Variants in ARID1B observed in about 807,000 individuals in gnomAD.
The protein encoded by ARID1B is AT-rich interaction domain 1B.
A neutral mutation model predicts 212.3 loss-of-function variants in ARID1B; 30 were observed. That is an observed-to-expected ratio of 0.14 (90% CI 0.11 to 0.19). ARID1B has a LOEUF of 0.19. Among genes scored for constraint, ARID1B ranks in the 10% least tolerant of loss-of-function variants. The probability of loss-of-function intolerance (pLI) is 1.00; values close to 1 mark genes in which losing one functional copy is unlikely to be tolerated. For missense variants in ARID1B, 2,891 were observed against 3,204.0 expected (o/e 0.90, Z 2.36); for synonymous variants, 1,402 against 1,301.7 (o/e 1.08, Z -1.66).
rs181445915 is a variant in ARID1B at position 157,086,449 on chromosome 6, C to T, written c.2491+1544C>T. Among the ~76,000 whole-genome samples the T allele has an allele frequency of 2.1e-4, 32 of 152,212 alleles. No individual in the cohort carries two copies. The East Asian group carries it at 5.6e-3, about 27-fold the overall frequency. ...GAGATGGTTTGTGAGATGTCACCTA[C>T]CTAAATGTTGGAAAGTTATATGTAA... On this transcript the variant is annotated intron_variant, in intron 5 of 19. Transcript: ENST00000636930.
chr6:156,867,673 G>T (rs1785803511), intron 2 of ARID1B, among the ~76,000 whole-genome samples: 1 of 151,906 alleles, frequency 6.6e-6, no homozygotes, highest in African/African-American at 2.4e-5. Flanking sequence ...TTTCCTTTAG[G>T]CCTGCTTTTC....
chr6:156,828,079 T>TTC (rs1782880471), intron 1 of ARID1B, among the ~76,000 whole-genome samples: 1 of 150,044 alleles, frequency 6.7e-6, no homozygotes, highest in Non-Finnish European at 1.5e-5. Flanking sequence ...TTTTTTTTTT[T>TTC]CAAGAGACAG....
intron 3 of ARID1B, among the ~76,000 whole-genome samples, chr6:156,910,306 G>A (rs1163393819): frequency 6.6e-6 from 1 of 152,168 alleles, no homozygotes; most frequent in Non-Finnish European, 1.5e-5. Context: ...TCTTAAAGGA[G>A]CCACTTATTC....
At chr6:157,155,022 CCTCTTG>C (rs1217423410) in intron 8 of ARID1B, among the ~76,000 whole-genome samples, 2 of 152,132 alleles carry the variant, frequency 1.3e-5, no homozygotes, top group South Asian at 4.1e-4. Flanking sequence ...GGATCTTCCA[CCTCTTG>C]CATTGAAATC....
chr6:157,174,713 T>G, intron 10 of ARID1B, 134 bp from the exon 11 acceptor site: 1 of 278,042 alleles, frequency 3.6e-6, no homozygotes. Flanking sequence ...TGTTTGTACA[T>G]GTCTTTATAT....
intron 4 of ARID1B, among the ~76,000 whole-genome samples, chr6:157,058,554 C>T (rs969754108): frequency 1.3e-5 from 2 of 152,200 alleles, no homozygotes; most frequent in Non-Finnish European, 2.9e-5. Context: ...CGTGAGCCAC[C>T]GCGCCCAGCC....
intron 5 of ARID1B, among the ~76,000 whole-genome samples, chr6:157,104,466 A>G (rs73791265): frequency 0.019 from 2,961 of 152,324 alleles, 104 homozygotes; most frequent in African/African-American, 0.067. Context: ...AAAACTGTCT[A>G]TTTACGGATG....
rs182012811 is a variant in ARID1B, at chr6:157,024,599, T to C, written c.2248-60063T>C. ...CAACATGGCAAAACCCCATCTCTAC[T>C]TAAAAAACAAAACAAAACAAAAAAC... On this transcript the variant is annotated intron_variant, in intron 4 of 19. Transcript: ENST00000636930. 1,448 of 152,336 alleles carry C rather than the reference T, an allele frequency of 9.5e-3. 14 individuals are homozygous for C. Among genetic ancestry groups the C allele is most frequent in the South Asian group, 0.019 (93 of 4,812 alleles). The allele number at this position is 152,336 out of a possible 1,614,324, so 9.4% of individuals were successfully genotyped here.
chr6:157,089,582 G>A (rs1785152970), intron 5 of ARID1B, among the ~76,000 whole-genome samples: 2 of 152,138 alleles, frequency 1.3e-5, no homozygotes, highest in African/African-American at 4.8e-5. Flanking sequence ...ATAGTTAGAA[G>A]GTAAAGAATT....
At chr6:156,845,938 T>C (rs1784199087) in intron 2 of ARID1B, among the ~76,000 whole-genome samples, 2 of 152,192 alleles carry the variant, frequency 1.3e-5, no homozygotes, top group Admixed American at 1.3e-4. Context: ...GGCAGATGTT[T>C]GTTCTGTTTT....
At chr6:156,988,273 T>C (rs1476934121) in intron 4 of ARID1B, among the ~76,000 whole-genome samples, 3 of 152,232 alleles carry the variant, frequency 2.0e-5, no homozygotes, top group African/African-American at 7.2e-5. Context: ...TTTGGGCCAG[T>C]GACTTAATTT....
chr6:156,797,104 A>G (rs1370333238), intron 1 of ARID1B, among the ~76,000 whole-genome samples: 1 of 152,278 alleles, frequency 6.6e-6, no homozygotes, highest in African/African-American at 2.4e-5. Context: ...TTATTCATCA[A>G]ATAGCTGCTG....
intron 4 of ARID1B, among the ~76,000 whole-genome samples, chr6:157,060,288 T>C (rs1783255402): frequency 6.6e-6 from 1 of 152,222 alleles, no homozygotes. Context: ...CAGAGAGTGT[T>C]CAATTTTTAC....
intron 4 of ARID1B, chr6:156,943,528 A>G (rs1792832709): frequency 6.6e-6 from 1 of 151,126 alleles, no homozygotes; most frequent in South Asian, 2.1e-4. Flanking sequence ...TTTCCACAGG[A>G]CCGAAATTGT....
intron 9 of ARID1B, chr6:157,173,538 A>T (rs377281603): frequency 2.6e-5 from 4 of 152,696 alleles, no homozygotes; most frequent in African/African-American, 9.6e-5. Context: ...TTTTCAAAAG[A>T]AACACTGTGA....
In ARID1B at chr6:157,073,395, C is replaced by T. The variant is rs142775770; in HGVS notation, c.2248-11267C>T. The stretch of plus-strand genomic sequence containing the variant: ...CTAGGATTACAGATGTGAGCCACCG[C>T]GCCTGGCCCTATGCACCCCATCTTT... On this transcript the variant is annotated intron_variant, in intron 4 of 19. Transcript: ENST00000636930. Among the ~76,000 whole-genome samples the T allele has an allele frequency of 8.8e-3, 1,344 of 152,256 alleles. 25 individuals carry two copies. Among genetic ancestry groups the T allele is most frequent in the African/African-American group, 0.031 (1,293 of 41,534 alleles).
At chr6:157,145,816 G>T (rs1418131215) in intron 7 of ARID1B, among the ~76,000 whole-genome samples, 9 of 152,144 alleles carry the variant, frequency 5.9e-5, no homozygotes, top group Non-Finnish European at 1.0e-4. Flanking sequence ...TCACAGCCCC[G>T]TGCCTTAGGC....
intron 8 of ARID1B, chr6:157,151,552 C>T (rs998635473): frequency 6.6e-6 from 1 of 152,194 alleles, no homozygotes; most frequent in Non-Finnish European, 1.5e-5. Flanking sequence ...TCAATTTCAA[C>T]ACAGGAATTA....
In ARID1B at chr6:156,778,079, C is replaced by G. The variant is rs747865443; in HGVS notation, c.399C>G (p.Ser133=). 18 of 1,539,812 alleles carry G rather than the reference C, an allele frequency of 1.2e-5. No homozygotes were observed. The highest frequency in any genetic ancestry group is 1.5e-5 in the Non-Finnish European group (17 of 1,146,302). ...CGGCGGCAGCGGCGGCATCCTCTTCCTCCTCGTCGGGCCCGGGCTCGGCCA... is the reference window on the plus strand; with the variant it reads ...CGGCGGCAGCGGCGGCATCCTCTTCGTCCTCGTCGGGCCCGGGCTCGGCCA... ...SSAAAAAASS[S]SSSGPGSAME... The change falls in exon 1 of 20, where the codon TCC becomes TCG. Residue 133 remains serine, a synonymous_variant. Coordinates refer to ENST00000636930, the MANE Select transcript of ARID1B (RefSeq NM_001374828.1).
Sources: allele counts gnomAD v4.1 joint callset (sites outside exome capture counted in the v4.1 genomes callset), GRCh38; gene constraint gnomAD v4.1.1; transcripts MANE v1.5; gene names NCBI Gene and HGNC (gene_info 2026-07-23, HGNC 2026-07-21).